AGBL4: variants seen among roughly 807,000 people sequenced by gnomAD.
AGBL4 encodes cytosolic carboxypeptidase 6.
Under a neutral mutation model 66.4 loss-of-function variants are expected in AGBL4, and 58 were observed. That is an observed-to-expected ratio of 0.87 (90% CI 0.71 to 1.09). The LOEUF is 1.09. Among genes scored for constraint, AGBL4 ranks in the 50% least tolerant of loss-of-function variants. AGBL4 has a pLI of 0.00. For synonymous variants in AGBL4, 234 were observed against 222.9 expected, an observed-to-expected ratio of 1.05 and a Z score of -0.44; for missense variants, 579 against 631.0, an observed-to-expected ratio of 0.92 and a Z score of 0.88.
intron 6 of AGBL4, among the ~76,000 whole-genome samples, chr1:48,767,962 C>T (rs1644612370): frequency 6.6e-6 from 1 of 152,174 alleles, no homozygotes; most frequent in Non-Finnish European, 1.5e-5. Flanking sequence ...TCCTTACAAA[C>T]TCACTATATT....
In AGBL4 at chr1:49,747,467, T is replaced by A. The variant is rs1651077020; in HGVS notation, c.158-50030A>T. Reference sequence around the variant, plus strand: ...TGAACAAAGAGATAATAGTGCCTAATCCCACAAGAGCAATTGTGAGAATCT... The same window carrying A: ...TGAACAAAGAGATAATAGTGCCTAAACCCACAAGAGCAATTGTGAGAATCT... On this transcript the variant is annotated intron_variant, in intron 2 of 13. Transcript: ENST00000371839. Among the ~76,000 whole-genome samples the A allele has an allele frequency of 2.0e-5, 3 of 152,160 alleles. No individual in the cohort carries two copies. The South Asian group carries it at 6.2e-4, about 31-fold the overall frequency.
intron 2 of AGBL4, among the ~76,000 whole-genome samples, chr1:49,791,705 A>G (rs1644602699): frequency 6.6e-6 from 1 of 152,054 alleles, no homozygotes; most frequent in Admixed American, 6.6e-5. Context: ...GATCCCTACT[A>G]TCTTTTAGGT....
intron 5 of AGBL4, among the ~76,000 whole-genome samples, chr1:49,042,380 T>A (rs959722447): frequency 6.6e-6 from 1 of 152,164 alleles, no homozygotes; most frequent in African/African-American, 2.4e-5. Context: ...TCAGATATCC[T>A]GTGGCAGCGA....
rs994862896 is a variant in AGBL4 at position 49,520,395 on chromosome 1, A to G, written c.282+176918T>C. 8.2e-4 allele frequency among the ~76,000 whole-genome samples: 125 copies of G among 152,086 alleles called. 2 individuals are homozygous for G. The highest frequency in any genetic ancestry group is 2.9e-3 in the African/African-American group (119 of 41,432). On this transcript the variant is annotated intron_variant, in intron 3 of 13. Coordinates refer to ENST00000371839, the MANE Select transcript of AGBL4 (RefSeq NM_032785.4). ...ATGACAACTACCCAACTGAACTTCA[A>G]CTCAACTCTTTTTAAAGTATATATT...
chr1:49,916,090 C>T (rs549959693), intron 1 of AGBL4, among the ~76,000 whole-genome samples: 2 of 152,208 alleles, frequency 1.3e-5, no homozygotes, highest in South Asian at 4.2e-4. Context: ...CTGTACGTCA[C>T]CATCATCAAA....
At chr1:49,844,735 C>A (rs373269804) in intron 2 of AGBL4, 2 of 1,602,308 alleles carry the variant, frequency 1.2e-6, no homozygotes, top group African/African-American at 2.7e-5. Context: ...TCTAAAGCAA[C>A]GTATCTCTGA....
rs570047858 is a variant in AGBL4, at chr1:49,409,633, T to C, written c.283-163769A>G. Among the ~76,000 whole-genome samples, 4 of 152,348 alleles carry C rather than the reference T, an allele frequency of 2.6e-5. No individual in the cohort carries two copies. In the East Asian group the frequency reaches 7.7e-4, roughly 29 times the overall value. On this transcript the variant is annotated intron_variant, in intron 3 of 13. Transcript: ENST00000371839. ...TTTAAAATCTTACTCTGGCGCTGAC[T>C]ATCTTTGTCATCTTTCTTAAGTTAG... is the stretch of plus-strand genomic sequence containing the variant.
At chr1:49,937,320 G>C (rs1354301437) in intron 1 of AGBL4, among the ~76,000 whole-genome samples, 3 of 151,898 alleles carry the variant, frequency 2.0e-5, no homozygotes, top group Non-Finnish European at 2.9e-5. Context: ...CCCAATACAG[G>C]AGCACCCAGA....
At chr1:49,396,574 A>G (rs1644980044) in intron 3 of AGBL4, among the ~76,000 whole-genome samples, 1 of 152,234 alleles carries the variant, frequency 6.6e-6, no homozygotes, top group Admixed American at 6.5e-5. Flanking sequence ...TTCAACATGT[A>G]AAATAAATAG....
In AGBL4 at chr1:48,759,053, G is replaced by A. The variant is rs201098567; in HGVS notation, c.635-95812C>T. On this transcript the variant is annotated intron_variant, in intron 6 of 13. Coordinates refer to ENST00000371839, the MANE Select transcript of AGBL4 (RefSeq NM_032785.4). ...CGCTCCAGCTCCTGCTGGAGGTGGC[G>A]CATCTCTTCCTGTTGCTGCTGGTAG... 6.7e-5 allele frequency: 108 copies of A among 1,613,454 alleles called. No individual in the cohort carries two copies. The highest frequency in any genetic ancestry group is 1.3e-4 in the Admixed American group (8 of 59,888).
At chr1:49,123,449 A>G (rs1645701882) in intron 4 of AGBL4, among the ~76,000 whole-genome samples, 1 of 152,236 alleles carries the variant, frequency 6.6e-6, no homozygotes, top group Non-Finnish European at 1.5e-5. Flanking sequence ...CTAAAATTAT[A>G]TATTTCATAC....
chr1:48,611,010 G>A (rs1645229985), intron 9 of AGBL4, among the ~76,000 whole-genome samples: 1 of 152,340 alleles, frequency 6.6e-6, no homozygotes, highest in Admixed American at 6.5e-5. Context: ...CTCCCTGACT[G>A]CCAGGGCAGG....
At chr1:49,901,651 T>C (rs1463653037) in intron 1 of AGBL4, among the ~76,000 whole-genome samples, 1 of 152,112 alleles carries the variant, frequency 6.6e-6, no homozygotes, top group African/African-American at 2.4e-5. Flanking sequence ...TTCCTATCAA[T>C]CTAGCAATGA....
At position 49,849,691 on chromosome 1, in the gene AGBL4, G is replaced by A. The variant is rs1394915878; in HGVS notation, c.157+1705C>T. Among the ~76,000 whole-genome samples the A allele has an allele frequency of 5.3e-5, 8 of 152,040 alleles. No homozygotes were observed. In the East Asian group the frequency reaches 9.7e-4, roughly 18 times the overall value. On this transcript the variant is annotated intron_variant, in intron 2 of 13. Transcript: ENST00000371839. ...TGATACAACCAATTATTCATAAATTGTTGGGAAAATATGCATTATTTATTT... is the reference window on the plus strand; with the variant it reads ...TGATACAACCAATTATTCATAAATTATTGGGAAAATATGCATTATTTATTT...
At chr1:49,041,936 C>A (rs1203968298) in intron 5 of AGBL4, among the ~76,000 whole-genome samples, 2 of 152,088 alleles carry the variant, frequency 1.3e-5, no homozygotes, top group Non-Finnish European at 2.9e-5. Context: ...ACTCTGTATT[C>A]TGTAATCCCA....
chr1:49,385,269 A>G (rs566498517), intron 3 of AGBL4, among the ~76,000 whole-genome samples: 14 of 152,248 alleles, frequency 9.2e-5, no homozygotes, highest in African/African-American at 3.4e-4. Flanking sequence ...ATACCTACAA[A>G]TGGTTAGGAC....
At chr1:49,134,378 C>T (rs1285904096) in intron 4 of AGBL4, among the ~76,000 whole-genome samples, 2 of 152,010 alleles carry the variant, frequency 1.3e-5, no homozygotes, top group African/African-American at 4.8e-5. Context: ...ATTTCCTAAT[C>T]CTAGCAAGCC....
intron 4 of AGBL4, among the ~76,000 whole-genome samples, chr1:49,156,624 C>T (rs780040749): frequency 1.3e-5 from 2 of 152,120 alleles, no homozygotes; most frequent in Non-Finnish European, 2.9e-5. Context: ...CATAGAACCT[C>T]TTGTGACATG....
intron 3 of AGBL4, among the ~76,000 whole-genome samples, chr1:49,432,290 G>C (rs1198229857): frequency 6.6e-6 from 1 of 152,148 alleles, no homozygotes; most frequent in Non-Finnish European, 1.5e-5. Context: ...TAGCTTAGCA[G>C]GTATATAAGC....
Sources: gnomAD v4.1 joint callset for allele counts (sites outside exome capture counted in the v4.1 genomes callset) on GRCh38, gnomAD v4.1.1 for gene constraint, MANE v1.5 for transcripts, NCBI Gene and HGNC (gene_info 2026-07-23, HGNC 2026-07-21) for gene names.